Variants in GOLM1 observed in about 807,000 individuals in gnomAD.
The protein encoded by GOLM1 is epididymis luminal protein 46.
GOLM1 carries 31 observed loss-of-function variants against 50.5 expected under a neutral mutation model. The ratio of observed to expected loss-of-function variants is 0.61; its 90% confidence interval spans 0.46 to 0.83. The LOEUF is 0.83. Among genes scored for constraint, GOLM1 ranks in the 40% least tolerant of loss-of-function variants. GOLM1 has a pLI of 0.00. For missense variants in GOLM1, 491 were observed against 501.3 expected, an observed-to-expected ratio of 0.98 and a Z score of 0.20; for synonymous variants, 178 against 192.8, an observed-to-expected ratio of 0.92 and a Z score of 0.64.
chr9:86,046,525 C>CGGAT lies in GOLM1; in HGVS notation c.411_412insATCC (p.Val138IlefsTer35). ...GTCTGGTTCTTCTGAAACTGGAGGA[C>CGGAT]ATCCTGCTGCAGCCTGCCGTAATTC... On this transcript the variant is annotated frameshift_variant, in exon 5 of 10. Transcript: ENST00000388712. LOFTEE classifies it high-confidence loss of function. 1 of 1,613,614 alleles carries CGGAT rather than the reference C, an allele frequency of 6.2e-7. No individual in the cohort carries two copies.
intron 8 of GOLM1, among the ~76,000 whole-genome samples, chr9:86,034,634 A>G (rs1288233735): frequency 1.3e-5 from 2 of 152,238 alleles, no homozygotes; most frequent in Non-Finnish European, 2.9e-5. Context: ...GGAACTTGGA[A>G]GGACACGTTC....
At chr9:86,093,355 G>A (rs1324362603) in intron 1 of GOLM1, among the ~76,000 whole-genome samples, 1 of 140,600 alleles carries the variant, frequency 7.1e-6, no homozygotes, top group Non-Finnish European at 1.5e-5. Context: ...TAGCCTGAGT[G>A]ACAGAGCGAG....
intron 3 of GOLM1, among the ~76,000 whole-genome samples, chr9:86,067,206 T>C (rs1007346853): frequency 6.6e-6 from 1 of 152,246 alleles, no homozygotes. Flanking sequence ...ATTACAGGTA[T>C]CAGCCACCAT....
intron 4 of GOLM1, among the ~76,000 whole-genome samples, chr9:86,048,841 T>A (rs1833644643): frequency 6.6e-6 from 1 of 152,220 alleles, no homozygotes; most frequent in South Asian, 2.1e-4. Flanking sequence ...TTCACTCTGA[T>A]GGTAGTTTCT....
chr9:86,027,503 C>T lies in GOLM1; in HGVS notation c.*314G>A, dbSNP rs1253221658. ...TGTTAATTTACACAAAGTTATATTC[C>T]AGAATCAGGAAGCCCCGCTGTCGCC... On this transcript the variant is annotated 3_prime_UTR_variant, in exon 10 of 10. Coordinates refer to ENST00000388712, the MANE Select transcript of GOLM1 (RefSeq NM_016548.4). 8.8e-7 allele frequency: 1 copy of T among 1,139,376 alleles called. No homozygotes were observed. Among genetic ancestry groups the T allele is most frequent in the South Asian group, 2.6e-5 (1 of 37,838 alleles). 70.6% of individuals were successfully genotyped at this position (1,139,376 alleles called of 1,614,324 possible).
At position 86,049,867 on chromosome 9, in the gene GOLM1, C is replaced by T. The variant is rs537036851; in HGVS notation, c.364+2670G>A. On this transcript the variant is annotated intron_variant, in intron 4 of 9. Coordinates refer to ENST00000388712, the MANE Select transcript of GOLM1 (RefSeq NM_016548.4). Reference sequence around the variant, plus strand: ...ATTGAATACCCTTTATTTCTTTCTCCTGCCTGACTGCCCTGGCCAGAACTT... The same window carrying T: ...ATTGAATACCCTTTATTTCTTTCTCTTGCCTGACTGCCCTGGCCAGAACTT... Among the ~76,000 whole-genome samples the T allele has an allele frequency of 5.7e-3, 875 of 152,230 alleles. 9 individuals are homozygous for T. Among genetic ancestry groups the T allele is most frequent in the African/African-American group, 0.019 (779 of 41,524 alleles).
intron 1 of GOLM1, among the ~76,000 whole-genome samples, chr9:86,086,222 A>G (rs766095499): frequency 7.2e-5 from 11 of 152,200 alleles, no homozygotes; most frequent in South Asian, 2.1e-4. Flanking sequence ...CTAATGACCA[A>G]TGATGATGAT....
intron 1 of GOLM1, among the ~76,000 whole-genome samples, chr9:86,096,323 G>C (rs1835354894): frequency 6.6e-6 from 1 of 152,158 alleles, no homozygotes. Flanking sequence ...TGGCTACTGG[G>C]CTATAACAGC....
At chr9:86,037,418 G>GA (rs1266085731) in intron 6 of GOLM1, among the ~76,000 whole-genome samples, 1 of 138,030 alleles carries the variant, frequency 7.2e-6, no homozygotes, top group Non-Finnish European at 1.5e-5. Context: ...AGCCTGGGGC[G>GA]ACAGAGCGAG....
At chr9:86,087,129 G>T (rs11141219) in intron 1 of GOLM1, among the ~76,000 whole-genome samples, 5,473 of 152,198 alleles carry the variant, frequency 0.036, 294 homozygotes, top group East Asian at 0.27. Flanking sequence ...TTACTTCCTT[G>T]AACAGTGGTT....
chr9:86,026,949 C>G lies in GOLM1; in HGVS notation c.*868G>C. 1 of 985,158 alleles carries G rather than the reference C, an allele frequency of 1.0e-6. No homozygotes were observed. Among genetic ancestry groups the G allele is most frequent in the Non-Finnish European group, 1.2e-6 (1 of 829,788 alleles). The allele number at this position is 985,158 out of a possible 1,614,324, so 61.0% of individuals were successfully genotyped here. A position where few individuals can be genotyped will look rare whatever the true frequency, so the allele number is the denominator to read the frequency against. On this transcript the variant is annotated 3_prime_UTR_variant, in exon 10 of 10. Transcript: ENST00000388712. ...TTTTACTCCAGTAATAAAGTAGGCA[C>G]AGATCTGTCCACAACAAACTTGCCC...
intron 3 of GOLM1, among the ~76,000 whole-genome samples, chr9:86,076,099 AG>A (rs1834601612): frequency 6.6e-6 from 1 of 151,524 alleles, no homozygotes; most frequent in African/African-American, 2.4e-5. Flanking sequence ...GCCACTCCAG[AG>A]AGAGAGGTAC....
chr9:86,046,650 G>A (rs1833555277), intron 4 of GOLM1, 78 bp from the exon 5 acceptor site: 1 of 821,116 alleles, frequency 1.2e-6, no homozygotes, highest in African/African-American at 1.7e-5. Flanking sequence ...GACAGAGGCA[G>A]ACTCACACAT....
chr9:86,033,749 C>A, intron 8 of GOLM1, among the ~76,000 whole-genome samples: 1 of 152,144 alleles, frequency 6.6e-6, no homozygotes, highest in South Asian at 2.1e-4. Flanking sequence ...CAGCTAATGA[C>A]AGCATCTCCT....
chr9:86,080,055 G>A (rs1297964429), intron 1 of GOLM1: 1 of 152,144 alleles, frequency 6.6e-6, no homozygotes, highest in Non-Finnish European at 1.5e-5. Context: ...AAGTCACCAG[G>A]AAAAATGTGT....
At chr9:86,052,077 G>A (rs1284409217) in intron 4 of GOLM1, among the ~76,000 whole-genome samples, 1 of 152,130 alleles carries the variant, frequency 6.6e-6, no homozygotes, top group East Asian at 1.9e-4. Flanking sequence ...TTCCTGCTCT[G>A]TGGCTGCTTC....
chr9:86,026,987 C>G lies in GOLM1; in HGVS notation c.*830G>C. 1.1e-5 allele frequency: 11 copies of G among 985,382 alleles called. No individual in the cohort carries two copies. The highest frequency in any genetic ancestry group is 1.3e-5 in the Non-Finnish European group (11 of 829,938). The allele number at this position is 985,382 out of a possible 1,614,324, so 61.0% of individuals were successfully genotyped here. A position where few individuals can be genotyped will look rare whatever the true frequency, so the allele number is the denominator to read the frequency against. On this transcript the variant is annotated 3_prime_UTR_variant, in exon 10 of 10. Transcript: ENST00000388712. ...AACAAACTTGCCCTCTCATGCCTTG[C>G]CTCTCACCATGCTCTGCTCCAGGTC...
chr9:86,030,954 C>T (rs776352277), intron 9 of GOLM1, among the ~76,000 whole-genome samples: 4 of 149,914 alleles, frequency 2.7e-5, no homozygotes, highest in Admixed American at 2.0e-4. Context: ...TGGTGGCTTA[C>T]GCCACCCAGC....
intron 4 of GOLM1, among the ~76,000 whole-genome samples, chr9:86,048,633 G>A (rs989042549): frequency 6.6e-6 from 1 of 152,216 alleles, no homozygotes; most frequent in South Asian, 2.1e-4. Context: ...CAGTGATGAT[G>A]AGCATTTTTT....
Sources: gnomAD v4.1 joint callset for allele counts (sites outside exome capture counted in the v4.1 genomes callset) on GRCh38, gnomAD v4.1.1 for gene constraint, MANE v1.5 for transcripts, NCBI Gene and HGNC (gene_info 2026-07-23, HGNC 2026-07-21) for gene names.